The following FER variants were observed in gnomAD, a reference collection of about 807,000 sequenced individuals.
The protein encoded by FER is FER tyrosine kinase, also known as tyrosine-protein kinase Fer.
Under a neutral mutation model 111.0 loss-of-function variants are expected in FER, and 63 were observed. That is an observed-to-expected ratio of 0.57 (90% confidence interval 0.46 to 0.70). FER has a LOEUF of 0.70. FER is among the 30% of genes least tolerant of loss of function. The probability of loss-of-function intolerance (pLI) is 0.00; values close to 1 mark genes in which losing one functional copy is unlikely to be tolerated. For synonymous variants in FER, 327 were observed against 313.9 expected, an observed-to-expected ratio of 1.04 and a Z score of -0.44; for missense variants, 914 against 954.0, an observed-to-expected ratio of 0.96 and a Z score of 0.55.
intron 9 of FER, among the ~76,000 whole-genome samples, chr5:108,893,542 C>G (rs1748528368): frequency 6.6e-6 from 1 of 151,874 alleles, no homozygotes; most frequent in Admixed American, 6.6e-5. Flanking sequence ...TATAATCTGG[C>G]CAAAATGTCT....
At chr5:109,008,774 C>T (rs931621002) in intron 13 of FER, among the ~76,000 whole-genome samples, 1 of 152,000 alleles carries the variant, frequency 6.6e-6, no homozygotes, top group African/African-American at 2.4e-5. Context: ...AGTTTGAGAC[C>T]AGCCTGACCA....
intron 18 of FER, 117 bp downstream of exon 18, chr5:109,181,018 C>A: frequency 3.9e-6 from 3 of 776,074 alleles, no homozygotes; most frequent in Non-Finnish European, 5.8e-6. Flanking sequence ...ATTTGAGGAT[C>A]AACACAAATA....
intron 13 of FER, among the ~76,000 whole-genome samples, chr5:108,990,576 TGA>T (rs1013238662): frequency 4.7e-4 from 72 of 151,726 alleles, no homozygotes; most frequent in African/African-American, 1.7e-3. Context: ...AGGAAATTGA[TGA>T]GAGGATAACA....
intron 17 of FER, among the ~76,000 whole-genome samples, chr5:109,124,776 G>A (rs1335693631): frequency 2.6e-5 from 4 of 152,114 alleles, no homozygotes; most frequent in African/African-American, 9.7e-5. Context: ...GCCGGGCGCG[G>A]TGGCTCACGC....
At chr5:108,851,081 T>C (rs1424125376) in intron 5 of FER, among the ~76,000 whole-genome samples, 1 of 152,224 alleles carries the variant, frequency 6.6e-6, no homozygotes, top group Admixed American at 6.5e-5. Context: ...CCAGATATTT[T>C]GGGCTCACCA....
chr5:109,174,839 A>G (rs1327404954), intron 17 of FER, among the ~76,000 whole-genome samples: 1 of 152,218 alleles, frequency 6.6e-6, no homozygotes, highest in Non-Finnish European at 1.5e-5. Flanking sequence ...ATTATTAGCT[A>G]AATTGAGAAG....
At position 108,960,457 on chromosome 5, in the gene FER, A is replaced by AT. The variant is rs199785016; in HGVS notation, c.1656+1117dup. ...ATGAAATTGGCTCATTCTTTGTTAA[A>AT]TTTTTTTATTCATTTTCTACCCTTA... On this transcript the variant is annotated intron_variant, in intron 13 of 19. Transcript: ENST00000281092. Among the ~76,000 whole-genome samples the AT allele has an allele frequency of 4.5e-4, 68 of 152,042 alleles. No individual in the cohort carries two copies. The East Asian group carries it at 0.011, about 25-fold the overall frequency.
Position 109,196,003 on chromosome 5 carries a change from C to G in FER, c.*8428C>G, listed in dbSNP as rs1562025111. The G allele has an allele frequency of 6.6e-6, 1 of 152,068 alleles. No homozygotes were observed. The highest frequency in any genetic ancestry group is 2.4e-5 in the African/African-American group (1 of 41,378). The allele number at this position is 152,068 out of a possible 1,614,324, so 9.4% of individuals were successfully genotyped here. On this transcript the variant is annotated 3_prime_UTR_variant, in exon 20 of 20. Transcript: ENST00000281092. Reference sequence around the variant, plus strand: ...GCAAGTGCCCTAAAAGACTGGAACACTGTATAAAGTCATAGACATAGAACC... The same window carrying G: ...GCAAGTGCCCTAAAAGACTGGAACAGTGTATAAAGTCATAGACATAGAACC...
At chr5:109,116,974 A>T (rs370741221) in intron 17 of FER, among the ~76,000 whole-genome samples, 1 of 152,154 alleles carries the variant, frequency 6.6e-6, no homozygotes, top group Non-Finnish European at 1.5e-5. Flanking sequence ...ATTTTCTGTC[A>T]TATGTGTCAG....
chr5:109,085,604 G>C (rs1777477837), intron 16 of FER, among the ~76,000 whole-genome samples: 1 of 151,264 alleles, frequency 6.6e-6, no homozygotes, highest in Admixed American at 6.6e-5. Context: ...TAAGTAGTAA[G>C]TGCAGGCATC....
chr5:109,100,809 T>C (rs7724901), intron 17 of FER, among the ~76,000 whole-genome samples: 60,621 of 151,546 alleles, frequency 0.4, 12,851 homozygotes, highest in African/African-American at 0.54. Flanking sequence ...AATTTAGTAA[T>C]ATAAGAAACT....
At chr5:108,820,155 T>A in intron 3 of FER, 1 of 985,404 alleles carries the variant, frequency 1.0e-6, no homozygotes, top group Non-Finnish European at 1.2e-6. Flanking sequence ...AAATAGGCCA[T>A]TATTGTTTTA....
At chr5:108,797,170 G>A (rs894433742) in intron 2 of FER, among the ~76,000 whole-genome samples, 1 of 151,980 alleles carries the variant, frequency 6.6e-6, no homozygotes, top group African/African-American at 2.4e-5. Context: ...TGTCATTCAG[G>A]AGGTAGGGCC....
intron 3 of FER, among the ~76,000 whole-genome samples, chr5:108,807,892 C>T (rs1166959639): frequency 6.6e-6 from 1 of 151,832 alleles, no homozygotes; most frequent in Non-Finnish European, 1.5e-5. Flanking sequence ...CATTCTGGAG[C>T]AAGTTGTTTA....
At chr5:108,991,003 T>C (rs1763094839) in intron 13 of FER, among the ~76,000 whole-genome samples, 1 of 151,672 alleles carries the variant, frequency 6.6e-6, no homozygotes, top group African/African-American at 2.4e-5. Flanking sequence ...ATATTGTGCT[T>C]CTGAGTTTGA....
At position 108,832,881 on chromosome 5, in the gene FER, A is replaced by G; in HGVS notation, c.319A>G (p.Lys107Glu). Reference sequence around the variant, plus strand: ...CAGGCTCACCATGATGATTAAGGACAAGCAGCAGGTGAAGAAAAGTTACAT... The same window carrying G: ...CAGGCTCACCATGATGATTAAGGACGAGCAGCAGGTGAAGAAAAGTTACAT... ...LHRLTMMIKD[K>E]QQVKKSYIGV... Residue 107 changes from lysine (K) to glutamate (E), a missense_variant, in exon 4 of 20, where the codon AAG becomes GAG. By Grantham distance (56) the Lys-to-Glu change is moderately conservative. Around this residue, in one of 3 missense-constraint regions of FER, gnomAD observed 774 missense variants for 782.6 expected, o/e 0.99. Transcript: ENST00000281092. 1 of 1,607,662 alleles carries G rather than the reference A, an allele frequency of 6.2e-7. No individual in the cohort carries two copies. Among genetic ancestry groups the G allele is most frequent in the Non-Finnish European group, 8.5e-7 (1 of 1,176,214 alleles).
At chr5:109,067,195 G>A (rs1006023617) in intron 16 of FER, among the ~76,000 whole-genome samples, 2 of 152,142 alleles carry the variant, frequency 1.3e-5, no homozygotes, top group Non-Finnish European at 2.9e-5. Flanking sequence ...TTGCCATACA[G>A]TCAGTCGTGT....
At chr5:108,941,900 A>G (rs994064055) in intron 10 of FER, among the ~76,000 whole-genome samples, 2 of 152,132 alleles carry the variant, frequency 1.3e-5, no homozygotes, top group African/African-American at 4.8e-5. Context: ...ATAAGAGCAA[A>G]CCCTAATGAA....
chr5:109,036,373 G>C (rs1330226684), intron 13 of FER, among the ~76,000 whole-genome samples: 2 of 152,062 alleles, frequency 1.3e-5, no homozygotes, highest in Non-Finnish European at 2.9e-5. Context: ...AGTGTTGGTT[G>C]AGTGTTTGCC....
Sources: gnomAD v4.1 joint callset for allele counts (sites outside exome capture counted in the v4.1 genomes callset) on GRCh38, gnomAD v4.1.1 for gene constraint, gnomAD v4.1.1 regional missense constraint, MANE v1.5 for transcripts, NCBI Gene and HGNC (gene_info 2026-07-23, HGNC 2026-07-21) for gene names.